The following MLYCD variants were observed in gnomAD, a reference collection of about 807,000 sequenced individuals.
MLYCD encodes the protein malonyl-CoA decarboxylase.
In MLYCD, 27 loss-of-function variants were observed where a neutral mutation model predicts 35.8. The observed-to-expected ratio is 0.75, with a 90% CI of 0.56 to 1.04. The LOEUF is 1.04. MLYCD is among the 50% of genes least tolerant of loss of function. The pLI is 0.00. For missense variants in MLYCD, 917 were observed against 665.1 expected (o/e 1.38, Z -4.17); for synonymous variants, 403 against 302.4 (o/e 1.33, Z -3.45).
In MLYCD at chr16:83,915,203, T is replaced by A. The variant is rs1907331670; in HGVS notation, c.1196T>A (p.Met399Lys). 6.2e-7 allele frequency: 1 copy of A among 1,613,976 alleles called. No homozygotes were observed. The highest frequency in any genetic ancestry group is 8.5e-7 in the Non-Finnish European group (1 of 1,179,926). Residue 399 changes from methionine (M) to lysine (K), a missense_variant, in exon 5 of 5, where the codon ATG (methionine) becomes AAG (lysine). Coordinates refer to ENST00000262430, the MANE Select transcript of MLYCD (RefSeq NM_012213.3). The stretch of plus-strand genomic sequence containing the variant: ...GTGCGGGCGCTGCAGACTCCGCTGA[T>A]GAGGCTGTGCGCCTGGTACCTGTAT... ...KLVRALQTPLMRLCAWYLYGE... is the reference protein window; with the variant it reads ...KLVRALQTPLKRLCAWYLYGE...
intron 3 of MLYCD, among the ~76,000 whole-genome samples, chr16:83,909,519 T>C (rs1436938441): frequency 6.6e-6 from 1 of 152,164 alleles, no homozygotes; most frequent in Non-Finnish European, 1.5e-5. Context: ...ATGAATAATA[T>C]TAATAATATC....
rs1250546987 is a variant in MLYCD, at chr16:83,925,964, AG to A, written c.*10478del. The A allele has an allele frequency of 1.3e-5, 2 of 152,234 alleles. No homozygotes were observed. The highest frequency in any genetic ancestry group is 1.9e-4 in the East Asian group (1 of 5,196). 9.4% of individuals were successfully genotyped at this position (152,234 alleles called of 1,614,324 possible). A position where few individuals can be genotyped will look rare whatever the true frequency, so the allele number is the denominator to read the frequency against. On this transcript the variant is annotated 3_prime_UTR_variant, in exon 5 of 5. Transcript: ENST00000262430. ...TCTCCACTAGACTAGACGCTCTCTG[AG>A]GGCAGGGACCCTGCTTCGCTTCTGG...
rs1907485330 is a variant in MLYCD at position 83,917,976 on chromosome 16, C to A, written c.*2487C>A. On this transcript the variant is annotated 3_prime_UTR_variant, in exon 5 of 5. Transcript: ENST00000262430. ...CTGGGAGGACGGGCTCAGGTGACAT[C>A]TGCCGAGGCTTTGGCTCACCAGAGG... 2 of 152,246 alleles carry A rather than the reference C, an allele frequency of 1.3e-5. No individual in the cohort carries two copies. Among genetic ancestry groups the A allele is most frequent in the African/African-American group, 4.8e-5 (2 of 41,456 alleles). The allele number at this position is 152,246 out of a possible 1,614,324, so 9.4% of individuals were successfully genotyped here. A position where few individuals can be genotyped will look rare whatever the true frequency, so the allele number is the denominator to read the frequency against.
chr16:83,918,666 C>T lies in MLYCD; in HGVS notation c.*3177C>T, dbSNP rs1436267831. On this transcript the variant is annotated 3_prime_UTR_variant, in exon 5 of 5. Transcript: ENST00000262430. The stretch of plus-strand genomic sequence containing the variant: ...ACATGGTGCACAGGAGAACACAGTG[C>T]ACAGGAGAATACAGACTGCACAGAA... 1 of 145,622 alleles carries T rather than the reference C, an allele frequency of 6.9e-6. No individual in the cohort carries two copies. Among genetic ancestry groups the T allele is most frequent in the Non-Finnish European group, 1.5e-5 (1 of 67,018 alleles). The allele number at this position is 145,622 out of a possible 1,614,324, so 9.0% of individuals were successfully genotyped here.
Position 83,899,629 on chromosome 16 carries a change from T to A in MLYCD, c.485T>A (p.Leu162Gln), listed in dbSNP as rs1381564372. ...CTGGTGCAGCTGCGGGCCGACCTGCTGGAGGCGCAGGCCCTCAAGCTGGTG... is the reference window on the plus strand; with the variant it reads ...CTGGTGCAGCTGCGGGCCGACCTGCAGGAGGCGCAGGCCCTCAAGCTGGTG... ...RFLVQLRADLLEAQALKLVEG... is the reference protein window; with the variant it reads ...RFLVQLRADLQEAQALKLVEG... Residue 162 changes from leucine (L) to glutamine (Q), a missense_variant, in exon 1 of 5, where the codon CTG becomes CAG. Coordinates refer to ENST00000262430, the MANE Select transcript of MLYCD (RefSeq NM_012213.3). 1 of 1,562,724 alleles carries A rather than the reference T, an allele frequency of 6.4e-7. No individual in the cohort carries two copies. Among genetic ancestry groups the A allele is most frequent in the South Asian group, 1.2e-5 (1 of 86,770 alleles).
rs1321856542 is a variant in MLYCD at position 83,920,021 on chromosome 16, AAC to A, written c.*4536_*4537del. 2 of 152,032 alleles carry A rather than the reference AAC, an allele frequency of 1.3e-5. No homozygotes were observed. Among genetic ancestry groups the A allele is most frequent in the African/African-American group, 4.9e-5 (2 of 41,196 alleles). The allele number at this position is 152,032 out of a possible 1,614,324, so 9.4% of individuals were successfully genotyped here. ...ACAACAGAACACACGTGCACAGGAGAACACAGTACACACACAGCGCACTGGAG... is the reference window on the plus strand; with the variant it reads ...ACAACAGAACACACGTGCACAGGAGAACAGTACACACACAGCGCACTGGAG... On this transcript the variant is annotated 3_prime_UTR_variant, in exon 5 of 5. Transcript: ENST00000262430.
rs572406917 is a variant in MLYCD, at chr16:83,910,500, G to A, written c.799-1718G>A. On this transcript the variant is annotated intron_variant, in intron 3 of 4. Coordinates refer to ENST00000262430, the MANE Select transcript of MLYCD (RefSeq NM_012213.3). ...AGGTCAGGAGTTCCAGACCAGCCTG[G>A]CCAACATGGTGAAACCCCGTCTCTA... 7.9e-5 allele frequency among the ~76,000 whole-genome samples: 12 copies of A among 152,072 alleles called. No individual in the cohort carries two copies. The East Asian group carries it at 2.3e-3, about 30-fold the overall frequency.
chr16:83,922,724 G>C lies in MLYCD; in HGVS notation c.*7235G>C, dbSNP rs940090770. 2 of 152,296 alleles carry C rather than the reference G, an allele frequency of 1.3e-5. No individual in the cohort carries two copies. Among genetic ancestry groups the C allele is most frequent in the African/African-American group, 2.4e-5 (1 of 41,464 alleles). 9.4% of individuals were successfully genotyped at this position (152,296 alleles called of 1,614,324 possible). On this transcript the variant is annotated 3_prime_UTR_variant, in exon 5 of 5. Coordinates refer to ENST00000262430, the MANE Select transcript of MLYCD (RefSeq NM_012213.3). ...TGGGAAGCAGAGCAGTCCCTGTCATGATGGGCGTTTCTACATCTGGACCTG... is the reference window on the plus strand; with the variant it reads ...TGGGAAGCAGAGCAGTCCCTGTCATCATGGGCGTTTCTACATCTGGACCTG...
Position 83,917,638 on chromosome 16 carries a change from G to A in MLYCD, c.*2149G>A, listed in dbSNP as rs1420569221. ...AAGAGTGGCTTGCAGGCCAATCAAT[G>A]CAATCCTGGCAACCTGCCCGCCCTT... is the stretch of plus-strand genomic sequence containing the variant. On this transcript the variant is annotated 3_prime_UTR_variant, in exon 5 of 5. Transcript: ENST00000262430. 13 of 152,220 alleles carry A rather than the reference G, an allele frequency of 8.5e-5. No individual in the cohort carries two copies. The highest frequency in any genetic ancestry group is 8.5e-4 in the Admixed American group (13 of 15,286). The allele number at this position is 152,220 out of a possible 1,614,324, so 9.4% of individuals were successfully genotyped here. A position where few individuals can be genotyped will look rare whatever the true frequency, so the allele number is the denominator to read the frequency against.
intron 3 of MLYCD, among the ~76,000 whole-genome samples, chr16:83,911,001 G>A (rs1002681858): frequency 2.6e-5 from 4 of 151,776 alleles, no homozygotes; most frequent in Non-Finnish European, 4.4e-5. Flanking sequence ...TTTTTGAGAC[G>A]GAGTCTCGCT....
chr16:83,904,211 A>G (rs1180378286), intron 1 of MLYCD, among the ~76,000 whole-genome samples: 1 of 152,196 alleles, frequency 6.6e-6, no homozygotes, highest in African/African-American at 2.4e-5. Flanking sequence ...TGTAAGACAG[A>G]TACCAGTACC....
intron 3 of MLYCD, chr16:83,911,838 C>A (rs1597293347): frequency 3.5e-6 from 1 of 289,376 alleles, no homozygotes; most frequent in South Asian, 3.5e-5. Flanking sequence ...GCTGAAGGAA[C>A]TGGAGCTGTT....
chr16:83,909,831 C>G (rs1160709856), intron 3 of MLYCD, among the ~76,000 whole-genome samples: 1 of 150,646 alleles, frequency 6.6e-6, no homozygotes, highest in Non-Finnish European at 1.5e-5. Context: ...TGGGATTTCA[C>G]CATGTTGGCC....
intron 2 of MLYCD, among the ~76,000 whole-genome samples, chr16:83,907,837 G>C (rs1016222444): frequency 6.6e-6 from 1 of 152,146 alleles, no homozygotes; most frequent in Non-Finnish European, 1.5e-5. Context: ...CGTTTGATTA[G>C]GTTTCACGTT....
rs1907619721 is a variant in MLYCD, at chr16:83,920,634, T to C, written c.*5145T>C. ...CAGGGAGCCCAGGAAGAGCTGCACA[T>C]CCGCTGCCTCTGTGTGGCAGGCGTG... is the stretch of plus-strand genomic sequence containing the variant. On this transcript the variant is annotated 3_prime_UTR_variant, in exon 5 of 5. Coordinates refer to ENST00000262430, the MANE Select transcript of MLYCD (RefSeq NM_012213.3). The C allele has an allele frequency of 6.6e-6, 1 of 152,222 alleles. No individual in the cohort carries two copies. Among genetic ancestry groups the C allele is most frequent in the African/African-American group, 2.4e-5 (1 of 41,452 alleles). 9.4% of individuals were successfully genotyped at this position (152,222 alleles called of 1,614,324 possible). A position where few individuals can be genotyped will look rare whatever the true frequency, so the allele number is the denominator to read the frequency against.
chr16:83,909,242 C>G (rs1393803858), intron 3 of MLYCD, among the ~76,000 whole-genome samples: 1 of 150,774 alleles, frequency 6.6e-6, no homozygotes, highest in African/African-American at 2.5e-5. Context: ...CTAGGAACTT[C>G]TCCTGGGGAG....
intron 4 of MLYCD, chr16:83,913,697 C>T (rs1473344105): frequency 6.6e-6 from 1 of 151,688 alleles, no homozygotes; most frequent in Non-Finnish European, 1.5e-5. Flanking sequence ...GCCTGTAGTC[C>T]CAGCTACTCG....
At chr16:83,904,823 G>C (rs1163609841) in intron 1 of MLYCD, among the ~76,000 whole-genome samples, 1 of 152,184 alleles carries the variant, frequency 6.6e-6, no homozygotes, top group Non-Finnish European at 1.5e-5. Context: ...TCTGTGGACA[G>C]CTCCAGCTAT....
intron 1 of MLYCD, among the ~76,000 whole-genome samples, chr16:83,906,300 A>C (rs1021761156): frequency 2.6e-5 from 4 of 152,134 alleles, no homozygotes; most frequent in African/African-American, 9.7e-5. Flanking sequence ...CTGAGACAGG[A>C]GGACCACATG....
Sources: gnomAD v4.1 joint callset for allele counts (sites outside exome capture counted in the v4.1 genomes callset) on GRCh38, gnomAD v4.1.1 for gene constraint, MANE v1.5 for transcripts, NCBI Gene and HGNC (gene_info 2026-07-23, HGNC 2026-07-21) for gene names.